TNFRSF8: variants seen among roughly 807,000 people sequenced by gnomAD.
The protein encoded by TNFRSF8 is tumor necrosis factor receptor superfamily member 8.
In TNFRSF8, 26 loss-of-function variants were observed where a neutral mutation model predicts 70.8. That is an observed-to-expected ratio of 0.37 (90% CI 0.27 to 0.51). TNFRSF8 has a LOEUF of 0.51. Ranked by LOEUF, TNFRSF8 falls within the 20% of genes least tolerant of loss-of-function variation. The pLI is 0.94. For synonymous variants in TNFRSF8, 356 were observed against 339.2 expected (o/e 1.05, Z -0.54); for missense variants, 720 against 807.9 (o/e 0.89, Z 1.32).
At chr1:12,087,095 A>C in intron 2 of TNFRSF8, among the ~76,000 whole-genome samples, 1 of 105,286 alleles carries the variant, frequency 9.5e-6, no homozygotes, top group African/African-American at 3.0e-5. Flanking sequence ...CCATCCATCC[A>C]TCCATCCATC....
At chr1:12,114,383 A>G (rs2101011502) in intron 7 of TNFRSF8, among the ~76,000 whole-genome samples, 1 of 152,292 alleles carries the variant, frequency 6.6e-6, no homozygotes, top group Non-Finnish European at 1.5e-5. Context: ...AAATGGTTTC[A>G]TTCATTGCTG....
intron 12 of TNFRSF8, among the ~76,000 whole-genome samples, chr1:12,132,317 C>T (rs1487829975): frequency 4.6e-5 from 7 of 152,266 alleles, no homozygotes; most frequent in South Asian, 2.1e-4. Flanking sequence ...CCAGGAGCCA[C>T]GTCACATTCA....
intron 14 of TNFRSF8, among the ~76,000 whole-genome samples, chr1:12,140,382 C>T (rs139313762): frequency 1.6e-4 from 24 of 152,340 alleles, no homozygotes; most frequent in Non-Finnish European, 3.4e-4. Context: ...GTCTGTACAT[C>T]GTCCCTCTTC....
rs1219632592 is a variant in TNFRSF8, at chr1:12,113,677, CAGAA to C, written c.793+1667_793+1670del. ...ACGGAGTGAGCGAGAGAGAGAGAGA[CAGAA>C]AGACAGAAAGAGAGACTGAGAGACA... On this transcript the variant is annotated intron_variant, in intron 7 of 14. Transcript: ENST00000263932. The surrounding 1 kb of genome is among the most constrained non-coding windows in gnomAD (Gnocchi z 4.9). 2.2e-5 allele frequency among the ~76,000 whole-genome samples: 3 copies of C among 137,632 alleles called. No individual in the cohort carries two copies. Among genetic ancestry groups the C allele is most frequent in the East Asian group, 2.5e-4 (1 of 3,956 alleles). 90.3% of individuals were successfully genotyped at this position (137,632 alleles called of 152,430 possible). A position where few individuals can be genotyped will look rare whatever the true frequency, so the allele number is the denominator to read the frequency against.
In TNFRSF8 at chr1:12,123,344, A is replaced by C. The variant is rs568743004; in HGVS notation, c.1007A>C (p.Asn336Thr). 2.5e-6 allele frequency: 4 copies of C among 1,613,048 alleles called. No homozygotes were observed. Among genetic ancestry groups the C allele is most frequent in the Non-Finnish European group, 3.4e-6 (4 of 1,179,694 alleles). ...APPLGTQPDC[N>T]PTPENGEAPA... ...CCCCTGGGGACCCAGCCGGACTGCA[A>C]CCCCACCCCAGAGAATGGCGAGGCG... Residue 336 changes from asparagine (N) to threonine (T), a missense_variant, in exon 9 of 15, where the codon AAC becomes ACC. Transcript: ENST00000263932.
At chr1:12,104,664 G>A (rs1357753771) in intron 4 of TNFRSF8, 133 bp downstream of exon 4, 12 of 1,161,366 alleles carry the variant, frequency 1.0e-5, no homozygotes, top group Non-Finnish European at 1.5e-5. Flanking sequence ...GTCTCCTTTG[G>A]CGATGGGCCA....
In TNFRSF8 at chr1:12,138,607, G is replaced by T. The variant is rs1389374802; in HGVS notation, c.1543+171G>T. On this transcript the variant is annotated intron_variant, in intron 14 of 14. Coordinates refer to ENST00000263932, the MANE Select transcript of TNFRSF8 (RefSeq NM_001243.5). The surrounding 1 kb of genome is among the most constrained non-coding windows in gnomAD (Gnocchi z 5.7). ...AGTTTCTGTAAGTAGGGACAGCGAGGGTACTTACCTCGTAGGCCATTGTGC... is the reference window on the plus strand; with the variant it reads ...AGTTTCTGTAAGTAGGGACAGCGAGTGTACTTACCTCGTAGGCCATTGTGC... 6.6e-6 allele frequency among the ~76,000 whole-genome samples: 1 copy of T among 152,182 alleles called. No homozygotes were observed. Among genetic ancestry groups the T allele is most frequent in the Non-Finnish European group, 1.5e-5 (1 of 68,024 alleles).
chr1:12,138,156 A>AG lies in TNFRSF8; in HGVS notation c.1336-69dup. On this transcript the variant is annotated intron_variant, in intron 13 of 14. Transcript: ENST00000263932. This position sits in a 1 kb window ranked among gnomAD's most constrained non-coding sequence, Gnocchi z 5.7. ...GGGGTCTGTAGAGATGAAAAAAAAA[A>AG]GGGGCCTCCCAGTTCAGAGACTGGT... 1 of 1,485,740 alleles carries AG rather than the reference A, an allele frequency of 6.7e-7. No homozygotes were observed. Among genetic ancestry groups the AG allele is most frequent in the East Asian group, 2.3e-5 (1 of 43,684 alleles). 92.0% of individuals were successfully genotyped at this position (1,485,740 alleles called of 1,614,324 possible).
chr1:12,104,215 A>G (rs1045799596), intron 3 of TNFRSF8, among the ~76,000 whole-genome samples, 164 bp from the exon 4 acceptor site: 2 of 152,018 alleles, frequency 1.3e-5, no homozygotes, highest in African/African-American at 2.4e-5. Context: ...AAATTGGTAC[A>G]TTAATTTAAT....
At chr1:12,116,875 ACTTG>A (rs1641741234) in intron 8 of TNFRSF8, among the ~76,000 whole-genome samples, 1 of 152,102 alleles carries the variant, frequency 6.6e-6, no homozygotes, top group Non-Finnish European at 1.5e-5. Context: ...GTGAGGGGTG[ACTTG>A]CTTCTAGGAC....
intron 2 of TNFRSF8, among the ~76,000 whole-genome samples, chr1:12,084,896 A>G (rs1215685858): frequency 6.6e-6 from 1 of 151,850 alleles, no homozygotes; most frequent in Admixed American, 6.6e-5. Context: ...CCTTTATTAC[A>G]CTCAATTTGC....
intron 1 of TNFRSF8, among the ~76,000 whole-genome samples, chr1:12,072,041 C>A (rs1295503499): frequency 6.6e-6 from 1 of 152,124 alleles, no homozygotes; most frequent in Non-Finnish European, 1.5e-5. Context: ...GTCAGCCTGT[C>A]AAGGTTATCC....
rs532111777 is a variant in TNFRSF8 at position 12,087,647 on chromosome 1, T to C, written c.151+3096T>C. On this transcript the variant is annotated intron_variant, in intron 2 of 14. Coordinates refer to ENST00000263932, the MANE Select transcript of TNFRSF8 (RefSeq NM_001243.5). ...TTGCTGTGGTTTTTATCCTCTGGAA[T>C]GGAGTGGCCCACAGTGTTCTATGAC... Among the ~76,000 whole-genome samples, 24 of 152,354 alleles carry C rather than the reference T, an allele frequency of 1.6e-4. No homozygotes were observed. In the East Asian group the frequency reaches 4.4e-3, roughly 28 times the overall value.
chr1:12,087,068 CCTTT>C (rs1641164431), intron 2 of TNFRSF8, among the ~76,000 whole-genome samples: 1 of 129,148 alleles, frequency 7.7e-6, no homozygotes, highest in Admixed American at 8.1e-5. Flanking sequence ...TTCTCATCTA[CCTTT>C]CTATCCATCC....
chr1:12,097,758 G>A (rs1173707590), intron 3 of TNFRSF8, among the ~76,000 whole-genome samples: 3 of 151,806 alleles, frequency 2.0e-5, no homozygotes, highest in South Asian at 2.1e-4. Context: ...TGGGGGGTAG[G>A]GTGGGGGAAA....
At chr1:12,098,092 T>C (rs951859108) in intron 3 of TNFRSF8, among the ~76,000 whole-genome samples, 2 of 152,198 alleles carry the variant, frequency 1.3e-5, no homozygotes, top group African/African-American at 4.8e-5. Context: ...ATGAATGTTA[T>C]GTTTTTTTGG....
Position 12,128,833 on chromosome 1 carries a change from C to CTTTTTT in TNFRSF8, c.1309+2611_1309+2616dup, listed in dbSNP as rs60878706. On this transcript the variant is annotated intron_variant, in intron 12 of 14. Coordinates refer to ENST00000263932, the MANE Select transcript of TNFRSF8 (RefSeq NM_001243.5). Reference sequence around the variant, plus strand: ...GGTTGAGAACCACTGGTCTAAAATTCTTTTTTTTTTTTTTTTTTTGAGACA... The same window carrying CTTTTTT: ...GGTTGAGAACCACTGGTCTAAAATTCTTTTTTTTTTTTTTTTTTTTTTTTTGAGACA... 7.8e-3 allele frequency among the ~76,000 whole-genome samples: 866 copies of CTTTTTT among 111,710 alleles called. 32 individuals carry two copies. The highest frequency in any genetic ancestry group is 0.01 in the Non-Finnish European group (583 of 58,138). The allele number at this position is 111,710 out of a possible 152,430, so 73.3% of individuals were successfully genotyped here.
intron 10 of TNFRSF8, among the ~76,000 whole-genome samples, chr1:12,124,667 C>G (rs57331271): frequency 0.36 from 54,661 of 151,742 alleles, 10,225 homozygotes; most frequent in Admixed American, 0.5. Context: ...ACTAAAAATA[C>G]AAAAATTAGC....
Position 12,110,337 on chromosome 1 carries a change from A to G in TNFRSF8, c.676+133A>G. ...CTGGTGGGGAGAGAAGACGGTGGTA[A>G]GGTATGATCTAGGGCTGAAAGCATT... On this transcript the variant is annotated intron_variant, in intron 6 of 14. Transcript: ENST00000263932. The surrounding 1 kb of genome is among the most constrained non-coding windows in gnomAD (Gnocchi z 4.0). The G allele has an allele frequency of 2.1e-6, 2 of 957,744 alleles. No homozygotes were observed. The highest frequency in any genetic ancestry group is 5.5e-5 in the East Asian group (2 of 36,140). The allele number at this position is 957,744 out of a possible 1,614,324, so 59.3% of individuals were successfully genotyped here.
Sources: gnomAD v4.1 joint callset for allele counts (sites outside exome capture counted in the v4.1 genomes callset) on GRCh38, gnomAD v4.1.1 for gene constraint, Gnocchi (gnomAD v3.1) non-coding constraint, MANE v1.5 for transcripts, NCBI Gene and HGNC (gene_info 2026-07-23, HGNC 2026-07-21) for gene names.